Variants in TCF7L2 observed in about 807,000 individuals in gnomAD.
TCF7L2 encodes the protein transcription factor 7-like 2.
In TCF7L2, 23 loss-of-function variants were observed where a neutral mutation model predicts 77.9. The observed-to-expected ratio is 0.30, with a 90% CI of 0.21 to 0.42. The LOEUF is 0.42. Among genes scored for constraint, TCF7L2 ranks in the 10% least tolerant of loss-of-function variants. The pLI, the probability that TCF7L2 is intolerant of heterozygous loss-of-function variation, is 1.00. For synonymous variants in TCF7L2, 413 were observed against 340.2 expected, an observed-to-expected ratio of 1.21 and a Z score of -2.36; for missense variants, 654 against 793.1, an observed-to-expected ratio of 0.82 and a Z score of 2.11.
chr10:112,973,592 T>C (rs2038762882), intron 4 of TCF7L2, among the ~76,000 whole-genome samples: 1 of 152,098 alleles, frequency 6.6e-6, no homozygotes, highest in African/African-American at 2.4e-5. Flanking sequence ...AATTTTAATT[T>C]TATTTATTTA....
chr10:113,118,814 C>T (rs1021779557), intron 5 of TCF7L2, among the ~76,000 whole-genome samples: 10 of 151,624 alleles, frequency 6.6e-5, no homozygotes, highest in African/African-American at 1.9e-4. Context: ...CTTTGTATTA[C>T]GCTCTGGGAT....
At chr10:113,090,067 T>A (rs940263087) in intron 5 of TCF7L2, among the ~76,000 whole-genome samples, 1 of 152,230 alleles carries the variant, frequency 6.6e-6, no homozygotes, top group African/African-American at 2.4e-5. Flanking sequence ...GATGTTGCTC[T>A]CCAAGGACAG....
chr10:113,051,931 G>A (rs1333489184), intron 5 of TCF7L2, among the ~76,000 whole-genome samples: 1 of 152,100 alleles, frequency 6.6e-6, no homozygotes, highest in Non-Finnish European at 1.5e-5. Flanking sequence ...TCACAATAAT[G>A]TAATAAGATA....
At chr10:113,089,643 TC>T in intron 5 of TCF7L2, 1 of 1,399,940 alleles carries the variant, frequency 7.1e-7, no homozygotes, top group Non-Finnish European at 9.6e-7. Context: ...TCCACTGCGA[TC>T]CCTGAATTCT....
chr10:113,116,506 A>G (rs2063751697), intron 5 of TCF7L2, among the ~76,000 whole-genome samples: 1 of 152,262 alleles, frequency 6.6e-6, no homozygotes, highest in Admixed American at 6.5e-5. Flanking sequence ...TATGTTAAAT[A>G]TCAAGTAGGA....
intron 12 of TCF7L2, chr10:113,160,556 C>A: frequency 6.9e-7 from 1 of 1,453,680 alleles, no homozygotes. Context: ...GCTGAGATTT[C>A]ACATCCAACT....
chr10:113,031,389 G>C (rs1187135892), intron 4 of TCF7L2, among the ~76,000 whole-genome samples: 1 of 152,118 alleles, frequency 6.6e-6, no homozygotes, highest in African/African-American at 2.4e-5. Flanking sequence ...TACAGATCCT[G>C]GGCCACTACC....
chr10:113,156,604 A>T (rs1026235660), intron 11 of TCF7L2, among the ~76,000 whole-genome samples: 1 of 152,218 alleles, frequency 6.6e-6, no homozygotes, highest in Admixed American at 6.5e-5. Flanking sequence ...AACTAGTCCA[A>T]TCCGGAATGA....
intron 5 of TCF7L2, among the ~76,000 whole-genome samples, chr10:113,061,605 A>G (rs1279675835): frequency 1.3e-5 from 2 of 152,202 alleles, no homozygotes; most frequent in African/African-American, 4.8e-5. Flanking sequence ...TAGTTGGACC[A>G]GACTTTGGAG....
rs150131089 is a variant in TCF7L2, at chr10:113,144,728, C to T, written c.788+703C>T. Among the ~76,000 whole-genome samples, 1,240 of 152,220 alleles carry T rather than the reference C, an allele frequency of 8.1e-3. 19 individuals are homozygous for T. The highest frequency in any genetic ancestry group is 0.027 in the African/African-American group (1,135 of 41,510). ...CCGTCACTGCAGCATGTGGGGCCTT[C>T]GTAAGCATCAATCCTAGCTCCTGGC... On this transcript the variant is annotated intron_variant, in intron 7 of 13. Transcript: ENST00000627217.
intron 3 of TCF7L2, among the ~76,000 whole-genome samples, chr10:112,956,102 A>C (rs1346320551): frequency 6.6e-6 from 1 of 152,196 alleles, no homozygotes; most frequent in Non-Finnish European, 1.5e-5. Context: ...GCCCCCCTGA[A>C]TCACATTAAA....
At position 113,040,103 on chromosome 10, in the gene TCF7L2, T is replaced by A; in HGVS notation, c.529T>A (p.Ser177Thr). Residue 177 changes from serine to threonine, a missense_variant, in exon 5 of 14, where the codon TCC becomes ACC. Physicochemically the swap from Ser to Thr is moderately conservative, Grantham distance 58. Transcript: ENST00000627217. ...TAGACAAGCCCTCAAGGATGCCCGGTCCCCATCACCGGCACACATTGTCGT... is the reference window on the plus strand; with the variant it reads ...TAGACAAGCCCTCAAGGATGCCCGGACCCCATCACCGGCACACATTGTCGT... 1 of 1,613,924 alleles carries A rather than the reference T, an allele frequency of 6.2e-7. No individual in the cohort carries two copies. Among genetic ancestry groups the A allele is most frequent in the Non-Finnish European group, 8.5e-7 (1 of 1,179,884 alleles).
At position 113,010,981 on chromosome 10, in the gene TCF7L2, G is replaced by A. The variant is rs566551193; in HGVS notation, c.451-29044G>A. 2.6e-5 allele frequency among the ~76,000 whole-genome samples: 4 copies of A among 152,284 alleles called. No homozygotes were observed. In the East Asian group the frequency reaches 7.7e-4, roughly 29 times the overall value. On this transcript the variant is annotated intron_variant, in intron 4 of 13. Coordinates refer to ENST00000627217, the MANE Select transcript of TCF7L2 (RefSeq NM_001146274.2). ...GCATTGTGCCACTGTACTCCAGCCT[G>A]GGCAATGAGAGTGAGATCCTGTCTC... is the stretch of plus-strand genomic sequence containing the variant.
chr10:112,989,969 T>C (rs2042232561), intron 4 of TCF7L2, among the ~76,000 whole-genome samples: 3 of 152,184 alleles, frequency 2.0e-5, no homozygotes, highest in African/African-American at 4.8e-5. Flanking sequence ...CCTCCTTTCA[T>C]TGAGCGCTTC....
intron 5 of TCF7L2, among the ~76,000 whole-genome samples, chr10:113,113,487 G>C (rs2063377995): frequency 6.6e-6 from 1 of 152,158 alleles, no homozygotes; most frequent in Admixed American, 6.5e-5. Context: ...ACACTGGCCA[G>C]GTTGATGACT....
At chr10:113,074,553 C>T (rs1364422089) in intron 5 of TCF7L2, among the ~76,000 whole-genome samples, 2 of 152,146 alleles carry the variant, frequency 1.3e-5, no homozygotes, top group Non-Finnish European at 2.9e-5. Context: ...GGGACCTTGG[C>T]ACACTGCTGA....
chr10:113,037,974 G>A (rs2134219973), intron 4 of TCF7L2, among the ~76,000 whole-genome samples: 1 of 152,350 alleles, frequency 6.6e-6, no homozygotes, highest in South Asian at 2.1e-4. Flanking sequence ...GTGAGAATGG[G>A]AAGAAGTTGG....
chr10:112,965,246 C>T (rs1481769841), intron 4 of TCF7L2, among the ~76,000 whole-genome samples: 1 of 152,164 alleles, frequency 6.6e-6, no homozygotes, highest in African/African-American at 2.4e-5. Flanking sequence ...GATGAGTGTC[C>T]TGTTTCCTGC....
chr10:113,144,609 G>C (rs907075166), intron 7 of TCF7L2, among the ~76,000 whole-genome samples: 1 of 152,168 alleles, frequency 6.6e-6, no homozygotes, highest in Non-Finnish European at 1.5e-5. Context: ...TGTCTGTTGA[G>C]AAGCTCCATG....
Sources: gnomAD v4.1 joint callset for allele counts (sites outside exome capture counted in the v4.1 genomes callset) on GRCh38, gnomAD v4.1.1 for gene constraint, MANE v1.5 for transcripts, NCBI Gene and HGNC (gene_info 2026-07-23, HGNC 2026-07-21) for gene names.